Variants in CPQ observed in about 807,000 individuals in gnomAD.
CPQ encodes Ser-Met dipeptidase.
Under a neutral mutation model 45.7 loss-of-function variants are expected in CPQ, and 37 were observed. The observed-to-expected ratio is 0.81, with a 90% confidence interval of 0.62 to 1.07. The LOEUF (loss-of-function observed/expected upper bound fraction) is 1.07. Among genes scored for constraint, CPQ ranks in the 50% least tolerant of loss-of-function variants. The probability of loss-of-function intolerance (pLI) is 0.00; values close to 1 mark genes in which losing one functional copy is unlikely to be tolerated. For missense variants in CPQ, 537 were observed against 572.9 expected, an observed-to-expected ratio of 0.94 and a Z score of 0.64; for synonymous variants, 186 against 205.8, an observed-to-expected ratio of 0.90 and a Z score of 0.82.
In CPQ at chr8:96,657,084, C is replaced by T. The variant is rs191724242; in HGVS notation, c.-35+11682C>T. On this transcript the variant is annotated intron_variant, in intron 1 of 7. Coordinates refer to ENST00000220763, the MANE Select transcript of CPQ (RefSeq NM_016134.4). The stretch of plus-strand genomic sequence containing the variant: ...CCTCTTGGCTGGGCACAGTGGCTCA[C>T]GCCTGTAATCCCAGCACTTTGGGAG... Among the ~76,000 whole-genome samples the T allele has an allele frequency of 1.3e-5, 2 of 151,874 alleles. 1 individual carries two copies. The highest frequency in any genetic ancestry group is 1.3e-4 in the Admixed American group (2 of 15,266).
At chr8:96,913,707 T>C (rs991337725) in intron 4 of CPQ, among the ~76,000 whole-genome samples, 1 of 152,210 alleles carries the variant, frequency 6.6e-6, no homozygotes, top group East Asian at 1.9e-4. Context: ...AGTCAGTTTA[T>C]GGGAAGCTAT....
chr8:96,735,232 G>A (rs1034399787), intron 1 of CPQ, among the ~76,000 whole-genome samples: 2 of 152,114 alleles, frequency 1.3e-5, no homozygotes, highest in Non-Finnish European at 2.9e-5. Flanking sequence ...AATCTCCCTT[G>A]TTTATTCCTT....
intron 6 of CPQ, among the ~76,000 whole-genome samples, chr8:97,033,073 T>A (rs1809936839): frequency 6.6e-6 from 1 of 150,532 alleles, no homozygotes; most frequent in Non-Finnish European, 1.5e-5. Flanking sequence ...GGACAGCAGC[T>A]CCCCTTTAGA....
chr8:96,953,127 A>G (rs914423739), intron 4 of CPQ, among the ~76,000 whole-genome samples: 4 of 152,130 alleles, frequency 2.6e-5, no homozygotes, highest in Non-Finnish European at 5.9e-5. Context: ...AGGAATTTGC[A>G]CTAGAAAACA....
chr8:96,803,147 G>A lies in CPQ; in HGVS notation c.433+17817G>A, dbSNP rs542710566. 3.4e-4 allele frequency among the ~76,000 whole-genome samples: 52 copies of A among 152,306 alleles called. 1 individual carries two copies. The highest frequency in any genetic ancestry group is 1.2e-3 in the African/African-American group (48 of 41,568). On this transcript the variant is annotated intron_variant, in intron 2 of 7. Coordinates refer to ENST00000220763, the MANE Select transcript of CPQ (RefSeq NM_016134.4). ...CAATAGTATACATTCCAGTCTGGGT[G>A]TGAGGACCTGAGAACCAAAAAATGC...
chr8:96,722,489 A>T (rs774621957), intron 1 of CPQ, among the ~76,000 whole-genome samples: 4 of 152,044 alleles, frequency 2.6e-5, no homozygotes, highest in Non-Finnish European at 5.9e-5. Context: ...CGTAGTTAGG[A>T]TAGAGACATA....
intron 5 of CPQ, among the ~76,000 whole-genome samples, chr8:97,025,061 G>A (rs1468001873): frequency 6.6e-6 from 1 of 152,160 alleles, no homozygotes; most frequent in Non-Finnish European, 1.5e-5. Flanking sequence ...ATTTAGGAAA[G>A]CTGTCTACAA....
intron 5 of CPQ, among the ~76,000 whole-genome samples, chr8:96,997,554 A>G (rs1809198234): frequency 6.6e-6 from 1 of 152,028 alleles, no homozygotes; most frequent in Non-Finnish European, 1.5e-5. Flanking sequence ...AAATAACATT[A>G]GTTGAGAGAT....
intron 1 of CPQ, among the ~76,000 whole-genome samples, chr8:96,672,456 C>T (rs1285659300): frequency 1.3e-5 from 2 of 152,048 alleles, no homozygotes; most frequent in Admixed American, 6.6e-5. Flanking sequence ...TTATAGCATG[C>T]TTGGAGGTGG....
intron 7 of CPQ, among the ~76,000 whole-genome samples, chr8:97,069,679 C>T (rs1810703742): frequency 1.3e-5 from 2 of 152,098 alleles, no homozygotes; most frequent in South Asian, 4.2e-4. Context: ...TAACTGCTCA[C>T]CTAACTTCTA....
chr8:96,674,458 G>C (rs1000945605), intron 1 of CPQ, among the ~76,000 whole-genome samples: 1 of 152,080 alleles, frequency 6.6e-6, no homozygotes, highest in African/African-American at 2.4e-5. Flanking sequence ...GTGTCACCAA[G>C]GGCATAGGTT....
At chr8:96,969,018 TG>T (rs1441174980) in intron 5 of CPQ, among the ~76,000 whole-genome samples, 1 of 152,246 alleles carries the variant, frequency 6.6e-6, no homozygotes, top group Non-Finnish European at 1.5e-5. Flanking sequence ...ACAAAGCCTA[TG>T]GCCAATGATG....
chr8:96,682,414 T>G (rs774339850), intron 1 of CPQ, among the ~76,000 whole-genome samples: 2 of 152,236 alleles, frequency 1.3e-5, no homozygotes, highest in African/African-American at 4.8e-5. Flanking sequence ...AAACGTGACT[T>G]GCTTCTCCTT....
At chr8:97,057,530 G>A (rs1013265014) in intron 6 of CPQ, among the ~76,000 whole-genome samples, 3 of 152,118 alleles carry the variant, frequency 2.0e-5, no homozygotes, top group African/African-American at 7.2e-5. Flanking sequence ...TCTCACATTG[G>A]CAGCCACAAG....
chr8:96,900,213 C>CCAA (rs1812497151), intron 4 of CPQ, among the ~76,000 whole-genome samples: 2 of 152,108 alleles, frequency 1.3e-5, no homozygotes, highest in Non-Finnish European at 2.9e-5. Flanking sequence ...CTCACCAAGT[C>CCAA]CAACATTTTT....
At position 96,880,849 on chromosome 8, in the gene CPQ, G is replaced by A. The variant is rs543211482; in HGVS notation, c.849+844G>A. 1.4e-4 allele frequency among the ~76,000 whole-genome samples: 21 copies of A among 152,024 alleles called. 2 individuals carry two copies. The South Asian group carries it at 4.2e-3, about 30-fold the overall frequency. On this transcript the variant is annotated intron_variant, in intron 4 of 7. Transcript: ENST00000220763. ...TACTACATTACTCTTTGGGTGACGG[G>A]TTCAACTGAAGCCAAAACTTTAGCC...
intron 1 of CPQ, among the ~76,000 whole-genome samples, chr8:96,763,936 G>A (rs1009417120): frequency 2.0e-5 from 3 of 152,172 alleles, no homozygotes; most frequent in African/African-American, 7.2e-5. Context: ...TGGTGGGAAT[G>A]TAAACTGGTA....
chr8:96,660,661 G>GTA (rs1304215952), intron 1 of CPQ, among the ~76,000 whole-genome samples: 11 of 151,690 alleles, frequency 7.3e-5, no homozygotes, highest in Non-Finnish European at 1.3e-4. Flanking sequence ...GTGTGTGTGT[G>GTA]TGTTTATACT....
At chr8:96,698,147 AAC>A (rs1809410160) in intron 1 of CPQ, among the ~76,000 whole-genome samples, 1 of 151,672 alleles carries the variant, frequency 6.6e-6, no homozygotes, top group Non-Finnish European at 1.5e-5. Context: ...CTGGCATAAA[AAC>A]AGTTAGACCA....
Sources: gnomAD v4.1 joint callset for allele counts (sites outside exome capture counted in the v4.1 genomes callset) on GRCh38, gnomAD v4.1.1 for gene constraint, MANE v1.5 for transcripts, NCBI Gene and HGNC (gene_info 2026-07-23, HGNC 2026-07-21) for gene names.